The following POU2F3 variants were observed in gnomAD, a reference collection of about 807,000 sequenced individuals.
POU2F3 encodes the protein POU class 2 homeobox 3.
POU2F3 carries 23 observed loss-of-function variants against 59.2 expected under a neutral mutation model. The ratio of observed to expected loss-of-function variants is 0.39; its 90% CI spans 0.28 to 0.55. The LOEUF is 0.55. Ranked by LOEUF, POU2F3 falls within the 20% of genes least tolerant of loss-of-function variation. The probability of loss-of-function intolerance (pLI) is 0.66; values close to 1 mark genes in which losing one functional copy is unlikely to be tolerated. For missense variants in POU2F3, 473 were observed against 544.5 expected (o/e 0.87, Z 1.31); for synonymous variants, 190 against 214.6 (o/e 0.89, Z 1.00).
chr11:120,274,088 A>G (rs5007114), intron 3 of POU2F3, among the ~76,000 whole-genome samples: 44 of 95,606 alleles, frequency 4.6e-4, no homozygotes, highest in South Asian at 1.5e-3. Flanking sequence ...AGAGAGAAAG[A>G]AAGGAAGGAA....
Position 120,244,251 on chromosome 11 carries a change from C to G in POU2F3, c.29-2198C>G, listed in dbSNP as rs548407484. ...TTACAATGGTGCTGAGACAGAAAAC[C>G]AAAGCTATTCCTTATAATGGGGCAA... On this transcript the variant is annotated intron_variant, in intron 1 of 12. Transcript: ENST00000543440. Among the ~76,000 whole-genome samples, 298 of 152,192 alleles carry G rather than the reference C, an allele frequency of 2.0e-3. 2 individuals are homozygous for G. The highest frequency in any genetic ancestry group is 6.7e-3 in the African/African-American group (280 of 41,532).
At chr11:120,249,659 C>A (rs1032918173) in intron 2 of POU2F3, 1 of 152,172 alleles carries the variant, frequency 6.6e-6, no homozygotes, top group Admixed American at 6.6e-5. Context: ...GACTTTTGAC[C>A]ATGCTGGCCA....
chr11:120,288,052 AAGAAAAAAAAACTGGGAAAAGC>A (rs1452816354), intron 3 of POU2F3, among the ~76,000 whole-genome samples: 4 of 151,454 alleles, frequency 2.6e-5, no homozygotes, highest in Non-Finnish European at 4.4e-5. Flanking sequence ...GTGAGAAAGG[AAGAAAAAAAAACTGGGAAAAGC>A]AGAGCTCAGA....
At chr11:120,238,650 G>C (rs888321424), upstream of POU2F3, among the ~76,000 whole-genome samples, 3 of 151,684 alleles carry the variant, frequency 2.0e-5, no homozygotes, top group Non-Finnish European at 4.4e-5. Flanking sequence ...TCCTGGCAAC[G>C]TGGTGAAACC....
Position 120,305,146 on chromosome 11 carries a change from C to A in POU2F3, c.561C>A (p.Asp187Glu), listed in dbSNP as rs1446827376. Residue 187 changes from aspartate to glutamate, a missense_variant, in exon 7 of 13, where the codon GAC (aspartate) becomes GAA (glutamate). Asp to Glu is a conservative substitution (Grantham distance 45, BLOSUM62 2). Coordinates refer to ENST00000543440, the MANE Select transcript of POU2F3 (RefSeq NM_014352.4). ...CTGGAGGGGCCGATGAGCCCAGTGA[C>A]CTCGAGGAGCTGGAGAAGTTTGCCA... ...PSSGGADEPSDLEELEKFAKT... is the reference protein window; with the variant it reads ...PSSGGADEPSELEELEKFAKT... 7 of 1,613,620 alleles carry A rather than the reference C, an allele frequency of 4.3e-6. No individual in the cohort carries two copies. Among genetic ancestry groups the A allele is most frequent in the Non-Finnish European group, 5.9e-6 (7 of 1,179,974 alleles).
At chr11:120,312,220 T>A (rs1013562583) in intron 10 of POU2F3, among the ~76,000 whole-genome samples, 3 of 152,084 alleles carry the variant, frequency 2.0e-5, no homozygotes, top group Non-Finnish European at 4.4e-5. Context: ...ACCTCCTGGG[T>A]TCAAGTAATT....
At chr11:120,275,592 T>C (rs1355255744) in intron 3 of POU2F3, among the ~76,000 whole-genome samples, 1 of 152,224 alleles carries the variant, frequency 6.6e-6, no homozygotes, top group African/African-American at 2.4e-5. Flanking sequence ...CAGTGTTTTA[T>C]GTATGCTGTT....
At chr11:120,253,846 A>C (rs752626205) in intron 2 of POU2F3, among the ~76,000 whole-genome samples, 22 of 152,282 alleles carry the variant, frequency 1.4e-4, no homozygotes, top group Middle Eastern at 3.4e-3. Flanking sequence ...CCCTGGGTAC[A>C]TCTTCGTATG....
chr11:120,256,742 C>T (rs1361250712), intron 2 of POU2F3: 1 of 152,204 alleles, frequency 6.6e-6, no homozygotes, highest in Admixed American at 6.5e-5. Flanking sequence ...CCCCCTCCTC[C>T]CAGGACCCAG....
intron 3 of POU2F3, among the ~76,000 whole-genome samples, chr11:120,289,352 A>G (rs1373038464): frequency 6.6e-6 from 1 of 152,172 alleles, no homozygotes; most frequent in African/African-American, 2.4e-5. Context: ...TACTTAGGCA[A>G]TTGCGGTAAA....
At chr11:120,241,867 G>A (rs1362554229) in intron 1 of POU2F3, among the ~76,000 whole-genome samples, 2 of 152,124 alleles carry the variant, frequency 1.3e-5, no homozygotes, top group Non-Finnish European at 2.9e-5. Context: ...GGATATAGCA[G>A]AGAGCAGAGA....
At chr11:120,314,133 G>C (rs906787996) in intron 10 of POU2F3, among the ~76,000 whole-genome samples, 16 of 152,188 alleles carry the variant, frequency 1.1e-4, no homozygotes, top group South Asian at 2.1e-4. Flanking sequence ...CCCAACCTGT[G>C]CCCGTCTCCA....
chr11:120,243,776 T>C (rs57572517), intron 1 of POU2F3, among the ~76,000 whole-genome samples: 2,395 of 152,286 alleles, frequency 0.016, 61 homozygotes, highest in African/African-American at 0.054. Context: ...TAGCATCCTA[T>C]GGGACTCAAG....
chr11:120,255,456 A>G (rs775061058), intron 2 of POU2F3, among the ~76,000 whole-genome samples: 4 of 152,120 alleles, frequency 2.6e-5, no homozygotes, highest in Non-Finnish European at 5.9e-5. Flanking sequence ...GATGATTTCC[A>G]TACTGCAGGG....
Position 120,299,729 on chromosome 11 carries a change from A to G in POU2F3, c.361+3A>G. 6.2e-7 allele frequency: 1 copy of G among 1,610,058 alleles called. No individual in the cohort carries two copies. Among genetic ancestry groups the G allele is most frequent in the Non-Finnish European group, 8.5e-7 (1 of 1,179,022 alleles). ...TCAGACCCAGCCTGGGCAGCAAGGT[A>G]AGAACCCTGGGGGTTTCCACCTAGA... On this transcript the variant is annotated splice_donor_region_variant and intron_variant, in intron 5 of 12. Transcript: ENST00000543440.
intron 10 of POU2F3, among the ~76,000 whole-genome samples, chr11:120,315,070 T>A (rs1941747283): frequency 6.6e-6 from 1 of 152,220 alleles, no homozygotes; most frequent in Admixed American, 6.5e-5. Context: ...AAGGCAGCCT[T>A]CGGCTTGGCA....
Position 120,298,297 on chromosome 11 carries a change from G to T in POU2F3, c.165G>T (p.Gln55His). Residue 55 changes from glutamine to histidine, a missense_variant, in exon 4 of 13, where the codon CAG (glutamine) becomes CAT (histidine). Physicochemically the swap from Gln to His is conservative, Grantham distance 24. Transcript: ENST00000543440. ...CCGAAGATCTCAGTGACTCCCTGCA[G>T]CAGACCCTCTCCCATCGGCCATGCC... is the stretch of plus-strand genomic sequence containing the variant. ...IKTEDLSDSL[Q>H]QTLSHRPCHL... 6.2e-7 allele frequency: 1 copy of T among 1,613,658 alleles called. No individual in the cohort carries two copies. The highest frequency in any genetic ancestry group is 8.5e-7 in the Non-Finnish European group (1 of 1,179,806).
rs1938606639 is a variant in POU2F3, at chr11:120,240,310, G to A, written c.-34G>A. 1 of 1,361,000 alleles carries A rather than the reference G, an allele frequency of 7.3e-7. No individual in the cohort carries two copies. The highest frequency in any genetic ancestry group is 9.6e-7 in the Non-Finnish European group (1 of 1,046,396). 84.3% of individuals were successfully genotyped at this position (1,361,000 alleles called of 1,614,324 possible). On this transcript the variant is annotated 5_prime_UTR_variant, in exon 1 of 13. Coordinates refer to ENST00000543440, the MANE Select transcript of POU2F3 (RefSeq NM_014352.4). ...GGCTGGGGCAGAGGCGAGGGGCCTG[G>A]GGGGGCGCTGGCTTTGGCCCCGCCT... is the stretch of plus-strand genomic sequence containing the variant.
chr11:120,305,066 G>C lies in POU2F3; in HGVS notation c.481G>C (p.Glu161Gln), dbSNP rs752312820. ...CCCTGGGCTGCCAGGATCCTCTTTA[G>C]AACCCCACCTGGAAGCATCCCAGCA... is the stretch of plus-strand genomic sequence containing the variant. ...GHPGLPGSSL[E>Q]PHLEASQHLP... Residue 161 changes from glutamate (E) to glutamine (Q), a missense_variant, in exon 7 of 13, where the codon GAA (glutamate) becomes CAA (glutamine). Transcript: ENST00000543440. 31 of 1,610,760 alleles carry C rather than the reference G, an allele frequency of 1.9e-5. No individual in the cohort carries two copies. The highest frequency in any genetic ancestry group is 2.5e-5 in the Non-Finnish European group (30 of 1,179,002).
Sources: gnomAD v4.1 joint callset for allele counts (sites outside exome capture counted in the v4.1 genomes callset) on GRCh38, gnomAD v4.1.1 for gene constraint, MANE v1.5 for transcripts, NCBI Gene and HGNC (gene_info 2026-07-23, HGNC 2026-07-21) for gene names.